ZNF609: variants seen among roughly 807,000 people sequenced by gnomAD.
The protein encoded by ZNF609 is zinc finger protein 609.
Under a neutral mutation model 109.5 loss-of-function variants are expected in ZNF609, and 11 were observed. The observed-to-expected ratio is 0.10, with a 90% CI of 0.06 to 0.17. ZNF609 has a LOEUF of 0.17. ZNF609 is among the 10% of genes least tolerant of loss of function. The probability of loss-of-function intolerance (pLI) is 1.00; values close to 1 mark genes in which losing one functional copy is unlikely to be tolerated. For synonymous variants in ZNF609, 646 were observed against 662.0 expected (o/e 0.98, Z 0.37); for missense variants, 1,559 against 1,772.4 (o/e 0.88, Z 2.16).
intron 2 of ZNF609, among the ~76,000 whole-genome samples, chr15:64,563,232 G>A (rs1291276626): frequency 2.6e-5 from 4 of 151,816 alleles, no homozygotes; most frequent in African/African-American, 7.3e-5. Context: ...GGAGGATCAC[G>A]TGAGCCTAAG....
In ZNF609 at chr15:64,675,678, G is replaced by A. The variant is rs777368886; in HGVS notation, c.2824G>A (p.Asp942Asn). The A allele has an allele frequency of 3.1e-6, 5 of 1,614,014 alleles. No individual in the cohort carries two copies. Among genetic ancestry groups the A allele is most frequent in the East Asian group, 4.5e-5 (2 of 44,878 alleles). ...PESIEGKVKN[D>N]ICEEKKPELS... is the part of the protein sequence containing the mutation. Reference sequence around the variant, plus strand: ...GAGCATAGAAGGGAAAGTGAAGAACGATATCTGTGAAGAAAAGAAGCCCGA... The same window carrying A: ...GAGCATAGAAGGGAAAGTGAAGAACAATATCTGTGAAGAAAAGAAGCCCGA... The change falls in exon 5 of 10, where the codon GAT becomes AAT. Residue 942 changes from aspartate (D) to asparagine (N), a missense_variant. This residue lies in a region of ZNF609 where 1,204 missense variants were observed against 1,314.1 expected (regional missense o/e 0.92). Transcript: ENST00000326648.
intron 2 of ZNF609, among the ~76,000 whole-genome samples, chr15:64,588,651 CT>C (rs71133452): frequency 2.7e-3 from 369 of 135,732 alleles, no homozygotes; most frequent in Middle Eastern, 7.7e-3. Context: ...GGTCTGTAGT[CT>C]TTTTTTTTTT....
intron 1 of ZNF609, among the ~76,000 whole-genome samples, chr15:64,497,090 C>T (rs1595699176): frequency 2.0e-5 from 3 of 152,216 alleles, no homozygotes; most frequent in South Asian, 2.1e-4. Flanking sequence ...GGTGGGATTA[C>T]AGGCATGAGC....
chr15:64,622,927 G>C lies in ZNF609; in HGVS notation c.848G>C (p.Arg283Pro). 1.9e-6 allele frequency: 3 copies of C among 1,614,170 alleles called. No individual in the cohort carries two copies. Among genetic ancestry groups the C allele is most frequent in the Non-Finnish European group, 2.5e-6 (3 of 1,180,006 alleles). The change falls in exon 3 of 10, where the codon CGT (arginine) becomes CCT (proline). Residue 283 changes from arginine (R) to proline (P), a missense_variant. Transcript: ENST00000326648. ...TCTCCCTGTGAGCAGATCATGGTTC[G>C]TACCCGATCAGTTGGGGTCAACACA... is the stretch of plus-strand genomic sequence containing the variant. ...ISSPCEQIMV[R>P]TRSVGVNTCD...
intron 3 of ZNF609, among the ~76,000 whole-genome samples, chr15:64,626,034 C>T (rs909795764): frequency 2.0e-5 from 3 of 149,280 alleles, no homozygotes; most frequent in African/African-American, 7.4e-5. Flanking sequence ...TCTAAATCTT[C>T]TCTGCAACTC....
At chr15:64,565,250 T>TTATTATTATTATTAC (rs1444463932) in intron 2 of ZNF609, among the ~76,000 whole-genome samples, 1 of 147,892 alleles carries the variant, frequency 6.8e-6, no homozygotes, top group East Asian at 2.0e-4. Context: ...ATTATTATTA[T>TTATTATTATTATTAC]TACTATTTTT....
chr15:64,607,763 C>T (rs185992823), intron 2 of ZNF609, among the ~76,000 whole-genome samples: 1 of 151,694 alleles, frequency 6.6e-6, no homozygotes, highest in Non-Finnish European at 1.5e-5. Flanking sequence ...CCTTGGCCCC[C>T]CAAAGTGCTG....
At chr15:64,635,033 A>C (rs556930076) in intron 3 of ZNF609, among the ~76,000 whole-genome samples, 1 of 152,140 alleles carries the variant, frequency 6.6e-6, no homozygotes, top group Non-Finnish European at 1.5e-5. Flanking sequence ...CTTGGGAAAA[A>C]TTTCAGTCAC....
At chr15:64,580,541 C>A (rs950485774) in intron 2 of ZNF609, among the ~76,000 whole-genome samples, 2 of 68,706 alleles carry the variant, frequency 2.9e-5, no homozygotes, top group Non-Finnish European at 3.9e-5. Context: ...CAGTTCTTTT[C>A]TTTTCTTTTC....
intron 3 of ZNF609, among the ~76,000 whole-genome samples, chr15:64,662,801 G>A (rs896389785): frequency 6.6e-6 from 1 of 152,082 alleles, no homozygotes; most frequent in Non-Finnish European, 1.5e-5. Flanking sequence ...CAGGAGCTGG[G>A]ATTACAGGCA....
chr15:64,570,435 G>A (rs1292499617), intron 2 of ZNF609, among the ~76,000 whole-genome samples: 1 of 152,180 alleles, frequency 6.6e-6, no homozygotes, highest in East Asian at 1.9e-4. Context: ...TGGTGGCCTT[G>A]CTTAGAAGCC....
intron 2 of ZNF609, among the ~76,000 whole-genome samples, chr15:64,539,867 C>G (rs1318660924): frequency 6.6e-6 from 1 of 151,562 alleles, no homozygotes; most frequent in Non-Finnish European, 1.5e-5. Context: ...AAACTCCTGA[C>G]CCCAGATGAT....
At chr15:64,598,905 T>G (rs958287345) in intron 2 of ZNF609, among the ~76,000 whole-genome samples, 2 of 150,360 alleles carry the variant, frequency 1.3e-5, no homozygotes, top group Non-Finnish European at 3.0e-5. Context: ...CAACCAATAC[T>G]GCATAAAAGT....
In ZNF609 at chr15:64,673,922, T is replaced by C; in HGVS notation, c.1068T>C (p.Cys356=). The change falls in exon 5 of 10, where the codon TGT becomes TGC. Residue 356 remains cysteine (C), a synonymous_variant. Transcript: ENST00000326648. ...TRHDWAPPRF[C]DSPTSDLEMR... ...GTGTTTATCCTTTGCCAAGGTTCTG[T>C]GACTCCCCGACCAGTGACCTGGAAA... The C allele has an allele frequency of 6.2e-7, 1 of 1,610,152 alleles. No individual in the cohort carries two copies. The highest frequency in any genetic ancestry group is 8.5e-7 in the Non-Finnish European group (1 of 1,177,224).
At chr15:64,479,566 C>G (rs1385862678) in intron 1 of ZNF609, among the ~76,000 whole-genome samples, 1 of 151,874 alleles carries the variant, frequency 6.6e-6, no homozygotes, top group Non-Finnish European at 1.5e-5. Context: ...GCTGGGATTA[C>G]AGGCATGAGC....
chr15:64,645,014 TTC>T (rs1272007708), intron 3 of ZNF609, among the ~76,000 whole-genome samples: 89 of 150,722 alleles, frequency 5.9e-4, no homozygotes, highest in African/African-American at 2.1e-3. Flanking sequence ...TCTTTCTTCC[TTC>T]CTTCCTTCCT....
At chr15:64,538,188 G>A (rs565456588) in intron 2 of ZNF609, among the ~76,000 whole-genome samples, 43 of 152,190 alleles carry the variant, frequency 2.8e-4, no homozygotes, top group Admixed American at 1.2e-3. Context: ...GCATTAGGAG[G>A]TGAAAAAAAT....
rs181246543 is a variant in ZNF609 at position 64,529,494 on chromosome 15, G to A, written c.747+29328G>A. The A allele has an allele frequency of 9.9e-5, 110 of 1,106,604 alleles. No individual in the cohort carries two copies. In the African/African-American group the frequency reaches 1.2e-3, roughly 12 times the overall value. 68.5% of individuals were successfully genotyped at this position (1,106,604 alleles called of 1,614,324 possible). A position where few individuals can be genotyped will look rare whatever the true frequency, so the allele number is the denominator to read the frequency against. ...CAAGCGTCCCGTTCTCAGCCTTGAC[G>A]GTGCCATGGAATTTGCCATGTGTAG... On this transcript the variant is annotated intron_variant, in intron 2 of 9. Coordinates refer to ENST00000326648, the MANE Select transcript of ZNF609 (RefSeq NM_015042.2).
chr15:64,603,410 T>A (rs1222440352), intron 2 of ZNF609, among the ~76,000 whole-genome samples: 1 of 151,770 alleles, frequency 6.6e-6, no homozygotes, highest in African/African-American at 2.4e-5. Flanking sequence ...TAGCTGGGAT[T>A]ACAGGCTCCC....
Sources: allele counts gnomAD v4.1 joint callset (sites outside exome capture counted in the v4.1 genomes callset), GRCh38; gene constraint gnomAD v4.1.1; regional missense constraint gnomAD v4.1.1; transcripts MANE v1.5; gene names NCBI Gene and HGNC (gene_info 2026-07-23, HGNC 2026-07-21).